The following PCDHA4 variants were observed in gnomAD, a reference collection of about 807,000 sequenced individuals.
PCDHA4 encodes protocadherin alpha-4.
A neutral mutation model predicts 61.4 loss-of-function variants in PCDHA4; 49 were observed. That is an observed-to-expected ratio of 0.80 (90% CI 0.63 to 1.01). The LOEUF (loss-of-function observed/expected upper bound fraction) is 1.01. Among genes scored for constraint, PCDHA4 ranks in the 50% least tolerant of loss-of-function variants. The probability of loss-of-function intolerance (pLI) is 0.00; values close to 1 mark genes in which losing one functional copy is unlikely to be tolerated. For missense variants in PCDHA4, 1,254 were observed against 1,235.8 expected (o/e 1.01, Z -0.22); for synonymous variants, 590 against 550.3 (o/e 1.07, Z -1.01).
rs546684407 is a variant in PCDHA4 at position 140,870,806 on chromosome 5, A to G, written c.2385+61234A>G. 6.2e-6 allele frequency: 10 copies of G among 1,613,688 alleles called. No individual in the cohort carries two copies. In the Admixed American group the frequency reaches 1.7e-4, roughly 27 times the overall value. ...AACGCGCCGGCACTGCTGGCGACTC[A>G]GGCTGGCAGCGCGGGAGGCGCAGTT... is the stretch of plus-strand genomic sequence containing the variant. On this transcript the variant is annotated intron_variant, in intron 1 of 3. Transcript: ENST00000530339.
intron 1 of PCDHA4, among the ~76,000 whole-genome samples, chr5:140,909,844 C>T (rs572833280): frequency 7.9e-5 from 12 of 152,276 alleles, no homozygotes; most frequent in African/African-American, 2.4e-4. Context: ...ACCACCAGGA[C>T]GTTTTCGGTC....
intron 1 of PCDHA4, chr5:140,967,413 A>G: frequency 6.2e-7 from 1 of 1,613,218 alleles, no homozygotes; most frequent in Non-Finnish European, 8.5e-7. Context: ...AAGGGCCTAG[A>G]CCGGGAGCAG....
At chr5:140,974,040 T>C (rs1554235767) in intron 1 of PCDHA4, among the ~76,000 whole-genome samples, 2 of 152,260 alleles carry the variant, frequency 1.3e-5, no homozygotes, top group African/African-American at 4.8e-5. Context: ...TTTAGCTTAT[T>C]AATATGATAA....
At position 140,837,735 on chromosome 5, in the gene PCDHA4, G is replaced by C. The variant is rs1268467335; in HGVS notation, c.2385+28163G>C. On this transcript the variant is annotated intron_variant, in intron 1 of 3. Coordinates refer to ENST00000530339, the MANE Select transcript of PCDHA4 (RefSeq NM_018907.4). ...ATCACCCAGGCTGCTGAAATGCAGT[G>C]GTGGGATTATAGCCCACTGCAACCT... 1.3e-5 allele frequency among the ~76,000 whole-genome samples: 2 copies of C among 151,294 alleles called. 1 individual carries two copies. The highest frequency in any genetic ancestry group is 3.9e-4 in the East Asian group (2 of 5,172).
Position 140,966,822 on chromosome 5 carries a change from C to A in PCDHA4, c.2386-12127C>A, listed in dbSNP as rs1329460642. 9 of 1,558,948 alleles carry A rather than the reference C, an allele frequency of 5.8e-6. No individual in the cohort carries two copies. In the Admixed American group the frequency reaches 7.5e-5, roughly 13 times the overall value. On this transcript the variant is annotated intron_variant, in intron 1 of 3. Transcript: ENST00000530339. ...ACAGAGCATCCACGGCTCCGGCGGC[C>A]CATGCCCTGGCTGCTGCTACTGCCT... is the stretch of plus-strand genomic sequence containing the variant.
chr5:140,847,295 C>G (rs1780942719), intron 1 of PCDHA4, among the ~76,000 whole-genome samples: 1 of 149,718 alleles, frequency 6.7e-6, no homozygotes, highest in Non-Finnish European at 1.5e-5. Flanking sequence ...AACTCAGAAG[C>G]TCCTGCAGTA....
chr5:140,835,733 C>T (rs2150243332), intron 1 of PCDHA4: 2 of 1,613,810 alleles, frequency 1.2e-6, no homozygotes. Context: ...ACGTGAACGA[C>T]AACGCCCCGG....
intron 1 of PCDHA4, among the ~76,000 whole-genome samples, chr5:140,922,192 T>A (rs1279791359): frequency 6.6e-6 from 1 of 152,158 alleles, no homozygotes; most frequent in East Asian, 1.9e-4. Context: ...AAAAGTCTTA[T>A]CTTTAATGAA....
At chr5:140,870,914 C>A (rs369740429) in intron 1 of PCDHA4, 10 of 1,613,828 alleles carry the variant, frequency 6.2e-6, no homozygotes, top group African/African-American at 1.3e-5. Context: ...GGCTACAACG[C>A]GTGGCTTTCA....
Position 140,883,565 on chromosome 5 carries a change from C to T in PCDHA4, c.2385+73993C>T, listed in dbSNP as rs139159217. On this transcript the variant is annotated intron_variant, in intron 1 of 3. Transcript: ENST00000530339. ...GGTGACCGCGCGGGACGGGGGCTCG[C>T]CTTCGCTGTGGGCCACGGCCAGCGT... is the stretch of plus-strand genomic sequence containing the variant. 6.5e-5 allele frequency: 105 copies of T among 1,614,180 alleles called. 1 individual carries two copies. In the African/African-American group the frequency reaches 1.3e-3, roughly 20 times the overall value.
chr5:140,842,983 C>T (rs1554139609), intron 1 of PCDHA4: 2 of 1,594,998 alleles, frequency 1.3e-6, no homozygotes, highest in East Asian at 2.2e-5. Context: ...TGCAGGTGTT[C>T]GTGCTGGACG....
chr5:140,957,138 C>G (rs1554222835), intron 1 of PCDHA4, among the ~76,000 whole-genome samples: 1 of 151,982 alleles, frequency 6.6e-6, no homozygotes, highest in African/African-American at 2.4e-5. Flanking sequence ...ACACTATGAA[C>G]TAAAAATTTT....
At chr5:140,943,515 G>C (rs2093511975) in intron 1 of PCDHA4, among the ~76,000 whole-genome samples, 1 of 152,100 alleles carries the variant, frequency 6.6e-6, no homozygotes, top group African/African-American at 2.4e-5. Context: ...TGGAAATGTT[G>C]AGTTCAGTAT....
chr5:140,929,307 C>A, intron 1 of PCDHA4: 1 of 1,570,164 alleles, frequency 6.4e-7, no homozygotes, highest in Non-Finnish European at 8.7e-7. Flanking sequence ...AAGGGGATCA[C>A]GCTAATGTCA....
In PCDHA4 at chr5:140,850,468, C is replaced by G. The variant is rs2150485398; in HGVS notation, c.2385+40896C>G. 1.3e-5 allele frequency: 20 copies of G among 1,597,798 alleles called. 4 individuals carry two copies. The highest frequency in any genetic ancestry group is 1.6e-5 in the Non-Finnish European group (19 of 1,167,656). On this transcript the variant is annotated intron_variant, in intron 1 of 3. Transcript: ENST00000530339. Reference sequence around the variant, plus strand: ...CTGGTGAAAGACCACGGGGAGCCAGCGCTGACGGCCACGGCCACTGTGCTG... The same window carrying G: ...CTGGTGAAAGACCACGGGGAGCCAGGGCTGACGGCCACGGCCACTGTGCTG...
rs371212960 is a variant in PCDHA4 at position 140,891,914 on chromosome 5, C to T, written c.2385+82342C>T. ...GCAGCAAGAAGATCTTCACCAGATG[C>T]TGGTGCCTTGATCTTGGACTTCCCC... On this transcript the variant is annotated intron_variant, in intron 1 of 3. Transcript: ENST00000530339. Among the ~76,000 whole-genome samples the T allele has an allele frequency of 2.6e-3, 395 of 152,328 alleles. 2 individuals carry two copies. The highest frequency in any genetic ancestry group is 9.2e-3 in the African/African-American group (384 of 41,572).
At chr5:140,943,237 C>T (rs1364015851) in intron 1 of PCDHA4, among the ~76,000 whole-genome samples, 1 of 121,190 alleles carries the variant, frequency 8.3e-6, no homozygotes, top group African/African-American at 3.3e-5. Flanking sequence ...CAGCCTGGGT[C>T]ACAGAGTGAG....
intron 1 of PCDHA4, chr5:140,836,749 A>G (rs2150269159): frequency 6.3e-7 from 1 of 1,585,374 alleles, no homozygotes; most frequent in Middle Eastern, 1.7e-4. Context: ...GTGAGTCATA[A>G]ATAATCTTGT....
intron 1 of PCDHA4, chr5:140,870,277 G>A: frequency 6.2e-7 from 1 of 1,614,168 alleles, no homozygotes; most frequent in Non-Finnish European, 8.5e-7. Context: ...GACGCCCCAC[G>A]TTCCCTTCAA....
Sources: allele counts gnomAD v4.1 joint callset (sites outside exome capture counted in the v4.1 genomes callset), GRCh38; gene constraint gnomAD v4.1.1; transcripts MANE v1.5; gene names NCBI Gene and HGNC (gene_info 2026-07-23, HGNC 2026-07-21).